Variants in DPY19L2 observed in about 807,000 individuals in gnomAD.
DPY19L2 encodes probable C-mannosyltransferase DPY19L2.
Under a neutral mutation model 97.9 loss-of-function variants are expected in DPY19L2, and 34 were observed. The observed-to-expected ratio is 0.35, with a 90% CI of 0.26 to 0.46. The LOEUF is 0.46. Ranked by LOEUF, DPY19L2 falls within the 20% of genes least tolerant of loss-of-function variation. The probability of loss-of-function intolerance (pLI) is 1.00; values close to 1 mark genes in which losing one functional copy is unlikely to be tolerated. For missense variants in DPY19L2, 623 were observed against 911.4 expected (o/e 0.68, Z 4.07); for synonymous variants, 230 against 307.9 (o/e 0.75, Z 2.65).
chr12:63,617,637 T>C (rs1231948190), intron 10 of DPY19L2, among the ~76,000 whole-genome samples: 1 of 151,994 alleles, frequency 6.6e-6, no homozygotes, highest in Non-Finnish European at 1.5e-5. Context: ...AATAAGTCTA[T>C]GATTTCTATT....
At chr12:63,636,236 T>C (rs1320832161) in intron 6 of DPY19L2, among the ~76,000 whole-genome samples, 2 of 152,114 alleles carry the variant, frequency 1.3e-5, no homozygotes, top group East Asian at 1.9e-4. Flanking sequence ...CTGAGAGATT[T>C]TGTCACCACC....
intron 4 of DPY19L2, among the ~76,000 whole-genome samples, chr12:63,655,607 C>T (rs150536978): frequency 6.5e-4 from 99 of 152,046 alleles, no homozygotes; most frequent in Middle Eastern, 3.4e-3. Context: ...AAGGGGTTAG[C>T]AAAAGTAAGG....
chr12:63,660,743 G>T (rs1895569779), intron 4 of DPY19L2, among the ~76,000 whole-genome samples: 1 of 152,034 alleles, frequency 6.6e-6, no homozygotes, highest in Admixed American at 6.5e-5. Context: ...TAATATGCTG[G>T]ATTCTGAGAC....
At chr12:63,653,301 C>T (rs1027314991) in intron 4 of DPY19L2, among the ~76,000 whole-genome samples, 1 of 151,986 alleles carries the variant, frequency 6.6e-6, no homozygotes, top group African/African-American at 2.4e-5. Context: ...TGGTTCATGC[C>T]TGTAATCCCA....
At chr12:63,655,420 C>G (rs573114799) in intron 4 of DPY19L2, among the ~76,000 whole-genome samples, 1 of 152,210 alleles carries the variant, frequency 6.6e-6, no homozygotes, top group East Asian at 1.9e-4. Flanking sequence ...TAGTTTCATT[C>G]ATTCAACAAA....
rs534531085 is a variant in DPY19L2 at position 63,580,564 on chromosome 12, T to C, written c.1900+98A>G. ...TATTTGTAAATCTGTCATACACACA[T>C]ACACACATATATCAGAAATGACAAT... On this transcript the variant is annotated intron_variant, in intron 19 of 21. Coordinates refer to ENST00000324472, the MANE Select transcript of DPY19L2 (RefSeq NM_173812.5). 2.0e-4 allele frequency: 257 copies of C among 1,287,328 alleles called. 4 individuals carry two copies. The South Asian group carries it at 4.0e-3, about 20-fold the overall frequency. The allele number at this position is 1,287,328 out of a possible 1,614,324, so 79.7% of individuals were successfully genotyped here. A position where few individuals can be genotyped will look rare whatever the true frequency, so the allele number is the denominator to read the frequency against.
chr12:63,569,398 G>T, intron 20 of DPY19L2, 49 bp from the exon 21 acceptor site: 8 of 1,363,112 alleles, frequency 5.9e-6, no homozygotes, highest in Non-Finnish European at 7.8e-6. Context: ...AATGATAATA[G>T]AATAGACTAA....
At chr12:63,656,236 C>T (rs1177073224) in intron 4 of DPY19L2, among the ~76,000 whole-genome samples, 1 of 152,148 alleles carries the variant, frequency 6.6e-6, no homozygotes, top group Non-Finnish European at 1.5e-5. Flanking sequence ...CGTGTTTATA[C>T]TTGGGAATCT....
At chr12:63,664,349 C>CAA (rs147843833) in intron 2 of DPY19L2, among the ~76,000 whole-genome samples, 11 of 149,748 alleles carry the variant, frequency 7.3e-5, no homozygotes, top group East Asian at 2.0e-4. Context: ...AAAAAACAAA[C>CAA]AAAAAAAAAC....
At chr12:63,623,722 T>C in intron 8 of DPY19L2, 1 of 225,706 alleles carries the variant, frequency 4.4e-6, no homozygotes, top group South Asian at 7.3e-5. Flanking sequence ...TTACATTTTT[T>C]TAGAGGGAGT....
chr12:63,665,195 A>T (rs1193178257), intron 2 of DPY19L2, among the ~76,000 whole-genome samples: 1 of 152,042 alleles, frequency 6.6e-6, no homozygotes, highest in Non-Finnish European at 1.5e-5. Flanking sequence ...TCACTGGCTG[A>T]GTGTTGTGGT....
chr12:63,665,948 T>C (rs1181228021), intron 1 of DPY19L2, 89 bp from the exon 2 acceptor site: 1 of 1,163,936 alleles, frequency 8.6e-7, no homozygotes, highest in East Asian at 2.6e-5. Context: ...TTATTTTACA[T>C]GTCTAGAAAG....
chr12:63,594,584 T>TGTGC (rs1413756060), intron 15 of DPY19L2, among the ~76,000 whole-genome samples: 1 of 120,736 alleles, frequency 8.3e-6, no homozygotes, highest in African/African-American at 2.8e-5. Context: ...TGTTTGTATG[T>TGTGC]GTGTGTGTGT....
intron 1 of DPY19L2, 146 bp from the exon 2 acceptor site, chr12:63,666,005 T>C (rs570311464): frequency 1.0e-4 from 81 of 800,204 alleles, no homozygotes; most frequent in Non-Finnish European, 1.4e-4. Context: ...TCTAAGAGCA[T>C]AGGAAAAAAT....
chr12:63,594,072 T>C lies in DPY19L2; in HGVS notation c.1580+15A>G, dbSNP rs1592487888. 6.8e-7 allele frequency: 1 copy of C among 1,477,660 alleles called. No homozygotes were observed. The highest frequency in any genetic ancestry group is 2.3e-5 in the East Asian group (1 of 43,028). The allele number at this position is 1,477,660 out of a possible 1,614,324, so 91.5% of individuals were successfully genotyped here. A position where few individuals can be genotyped will look rare whatever the true frequency, so the allele number is the denominator to read the frequency against. Reference sequence around the variant, plus strand: ...GGAATACTGTATGTTTTAAAAACAATGATGATATAATTACCTTAGATAAAT... The same window carrying C: ...GGAATACTGTATGTTTTAAAAACAACGATGATATAATTACCTTAGATAAAT... On this transcript the variant is annotated intron_variant, in intron 16 of 21. Coordinates refer to ENST00000324472, the MANE Select transcript of DPY19L2 (RefSeq NM_173812.5).
intron 6 of DPY19L2, among the ~76,000 whole-genome samples, chr12:63,633,995 T>C (rs929606859): frequency 1.2e-4 from 18 of 150,814 alleles, no homozygotes; most frequent in Non-Finnish European, 2.4e-4. Flanking sequence ...TTCTCACTCA[T>C]AGTTGGGAAT....
At position 63,613,353 on chromosome 12, in the gene DPY19L2, A is replaced by G. The variant is rs574077643; in HGVS notation, c.1218+3951T>C. Among the ~76,000 whole-genome samples the G allele has an allele frequency of 1.9e-4, 29 of 152,268 alleles. No individual in the cohort carries two copies. In the East Asian group the frequency reaches 5.2e-3, roughly 27 times the overall value. ...TGCTATAACATTTGAAAATCAACCA[A>G]TATAATGCAGCACATTAACAAAACA... On this transcript the variant is annotated intron_variant, in intron 11 of 21. Coordinates refer to ENST00000324472, the MANE Select transcript of DPY19L2 (RefSeq NM_173812.5).
At chr12:63,604,441 C>T (rs778048279) in intron 12 of DPY19L2, among the ~76,000 whole-genome samples, 117 of 152,202 alleles carry the variant, frequency 7.7e-4, no homozygotes, top group Non-Finnish European at 1.4e-3. Context: ...TATTCAGCCC[C>T]ACTCTCTTTT....
At chr12:63,635,517 G>T (rs1011207105) in intron 6 of DPY19L2, among the ~76,000 whole-genome samples, 2 of 152,030 alleles carry the variant, frequency 1.3e-5, no homozygotes, top group African/African-American at 4.8e-5. Context: ...CGAACCCATC[G>T]CAAAGAAGCT....
Sources: gnomAD v4.1 joint callset for allele counts (sites outside exome capture counted in the v4.1 genomes callset) on GRCh38, gnomAD v4.1.1 for gene constraint, MANE v1.5 for transcripts, NCBI Gene and HGNC (gene_info 2026-07-23, HGNC 2026-07-21) for gene names.